Variants in CFAP100 observed in about 807,000 individuals in gnomAD.
CFAP100 encodes the protein cilia- and flagella-associated protein 100.
Under a neutral mutation model 81.5 loss-of-function variants are expected in CFAP100, and 70 were observed. That is an observed-to-expected ratio of 0.86 (90% confidence interval 0.71 to 1.05). The LOEUF is 1.05. Among genes scored for constraint, CFAP100 ranks in the 50% least tolerant of loss-of-function variants. CFAP100 has a pLI of 0.00. For synonymous variants in CFAP100, 341 were observed against 314.8 expected, an observed-to-expected ratio of 1.08 and a Z score of -0.88; for missense variants, 811 against 776.5, an observed-to-expected ratio of 1.04 and a Z score of -0.53.
chr3:126,409,872 CCTTTCA>C (rs1380285705), intron 3 of CFAP100, among the ~76,000 whole-genome samples: 1 of 152,200 alleles, frequency 6.6e-6, no homozygotes, highest in African/African-American at 2.4e-5. Flanking sequence ...CCTGGGACTG[CCTTTCA>C]CTCTCTGAGT....
At chr3:126,431,589 A>G (rs559911887) in intron 13 of CFAP100, among the ~76,000 whole-genome samples, 1 of 152,148 alleles carries the variant, frequency 6.6e-6, no homozygotes, top group Non-Finnish European at 1.5e-5. Context: ...ATTTTCATCC[A>G]TGGATGGTTG....
At chr3:126,402,778 T>C (rs1018482062) in intron 2 of CFAP100, among the ~76,000 whole-genome samples, 4 of 150,196 alleles carry the variant, frequency 2.7e-5, no homozygotes, top group African/African-American at 9.8e-5. Flanking sequence ...ACTTGGTTAA[T>C]ATGCCTGCCT....
chr3:126,402,125 G>C (rs1285845305), intron 2 of CFAP100, among the ~76,000 whole-genome samples: 1 of 152,230 alleles, frequency 6.6e-6, no homozygotes, highest in Non-Finnish European at 1.5e-5. Context: ...CCCTGAGAAA[G>C]CGCCCACAGC....
chr3:126,414,456 C>T (rs1012859906), intron 4 of CFAP100: 6 of 615,892 alleles, frequency 9.7e-6, no homozygotes, highest in African/African-American at 5.5e-5. Context: ...TCAGCCACCT[C>T]GCCGCCACTT....
intron 2 of CFAP100, among the ~76,000 whole-genome samples, chr3:126,398,322 C>T (rs1190134100): frequency 2.0e-5 from 3 of 152,242 alleles, no homozygotes; most frequent in African/African-American, 4.8e-5. Flanking sequence ...CGGCTGGTCC[C>T]TCTGGGCCAG....
chr3:126,398,403 A>T (rs549013835), intron 2 of CFAP100, among the ~76,000 whole-genome samples: 3 of 152,290 alleles, frequency 2.0e-5, no homozygotes, highest in African/African-American at 7.2e-5. Context: ...TTCCCAAGAC[A>T]CCAGGCTCCA....
At chr3:126,432,282 C>CAAAAAAAAA (rs58421889) in intron 13 of CFAP100, among the ~76,000 whole-genome samples, 4 of 76,730 alleles carry the variant, frequency 5.2e-5, no homozygotes, top group Non-Finnish European at 6.8e-5. Context: ...GACTCCGTCT[C>CAAAAAAAAA]AAAAAAAAAA....
chr3:126,417,683 G>A (rs1452023359), intron 5 of CFAP100, among the ~76,000 whole-genome samples: 2 of 152,244 alleles, frequency 1.3e-5, no homozygotes, highest in African/African-American at 4.8e-5. Context: ...TGCAGGGGTA[G>A]GGACATCTCC....
At chr3:126,406,141 G>T (rs562594844) in intron 2 of CFAP100, among the ~76,000 whole-genome samples, 7 of 152,038 alleles carry the variant, frequency 4.6e-5, no homozygotes, top group African/African-American at 1.7e-4. Context: ...CACCTCTCCC[G>T]ACCGCCTCTG....
At chr3:126,424,765 A>C (rs75310851) in intron 13 of CFAP100, among the ~76,000 whole-genome samples, 1 of 152,270 alleles carries the variant, frequency 6.6e-6, no homozygotes, top group East Asian at 1.9e-4. Flanking sequence ...AAATAAAGCA[A>C]TTTGAGAAAG....
At chr3:126,423,233 C>CT in intron 11 of CFAP100, 92 bp from the exon 12 acceptor site, 1 of 1,035,596 alleles carries the variant, frequency 9.7e-7, no homozygotes, top group South Asian at 1.6e-5. Flanking sequence ...GATGGGGATG[C>CT]TGCCAACGCC....
intron 11 of CFAP100, among the ~76,000 whole-genome samples, chr3:126,421,330 T>C (rs552968213): frequency 8.8e-4 from 134 of 152,376 alleles, no homozygotes; most frequent in African/African-American, 3.1e-3. Flanking sequence ...CTATTGTCTT[T>C]TGAAGAACAG....
At chr3:126,418,020 G>A (rs910608983) in intron 5 of CFAP100, 12 of 183,402 alleles carry the variant, frequency 6.5e-5, no homozygotes, top group African/African-American at 2.4e-5. Context: ...TGTAGACTCA[G>A]CCTCTGCCCA....
intron 13 of CFAP100, among the ~76,000 whole-genome samples, chr3:126,432,258 G>A (rs1360088519): frequency 7.0e-6 from 1 of 143,210 alleles, no homozygotes; most frequent in African/African-American, 2.6e-5. Flanking sequence ...CACCCAGCCT[G>A]GGCGACTGAG....
intron 13 of CFAP100, among the ~76,000 whole-genome samples, chr3:126,425,396 A>G (rs531243840): frequency 2.0e-5 from 3 of 152,258 alleles, no homozygotes; most frequent in Non-Finnish European, 4.4e-5. Flanking sequence ...GGCCTATTCC[A>G]TTAAACAAAT....
At chr3:126,415,997 G>C (rs974631459) in intron 4 of CFAP100, among the ~76,000 whole-genome samples, 3 of 152,188 alleles carry the variant, frequency 2.0e-5, no homozygotes, top group Non-Finnish European at 4.4e-5. Context: ...CAAAATATAC[G>C]GCTCTCACTT....
At chr3:126,435,713 G>A in intron 16 of CFAP100, 61 bp downstream of exon 16, 1 of 1,375,402 alleles carries the variant, frequency 7.3e-7, no homozygotes, top group Non-Finnish European at 1.0e-6. Flanking sequence ...CATGGCAGCT[G>A]AGGTCCTGCA....
chr3:126,407,167 C>T lies in CFAP100; in HGVS notation c.50-5C>T, dbSNP rs1445959307. The T allele has an allele frequency of 2.5e-6, 4 of 1,612,132 alleles. No individual in the cohort carries two copies. The highest frequency in any genetic ancestry group is 2.7e-5 in the African/African-American group (2 of 74,996). ...GCTGCGGCCCTCACTTTTGTGTCTC[C>T]TCAGAGAACAGCCTGGAATCCATGA... On this transcript the variant is annotated splice_region_variant and splice_polypyrimidine_tract_variant and intron_variant, in intron 2 of 16. Coordinates refer to ENST00000352312, the MANE Select transcript of CFAP100 (RefSeq NM_182628.3).
chr3:126,401,397 T>A (rs866096197), intron 2 of CFAP100, among the ~76,000 whole-genome samples: 4 of 76,216 alleles, frequency 5.2e-5, no homozygotes, highest in African/African-American at 1.4e-4. Context: ...AAATCGTATT[T>A]TATATATATA....
Sources: gnomAD v4.1 joint callset for allele counts (sites outside exome capture counted in the v4.1 genomes callset) on GRCh38, gnomAD v4.1.1 for gene constraint, MANE v1.5 for transcripts, NCBI Gene and HGNC (gene_info 2026-07-23, HGNC 2026-07-21) for gene names.